Variants in SLC2A1 observed in about 807,000 individuals in gnomAD.
SLC2A1 encodes the protein solute carrier family 2, facilitated glucose transporter member 1.
Under a neutral mutation model 46.6 loss-of-function variants are expected in SLC2A1, and 4 were observed. The ratio of observed to expected loss-of-function variants is 0.09; its 90% CI spans 0.04 to 0.20. SLC2A1 has a LOEUF of 0.20. Among genes scored for constraint, SLC2A1 ranks in the 10% least tolerant of loss-of-function variants. The probability of loss-of-function intolerance (pLI) is 1.00; values close to 1 mark genes in which losing one functional copy is unlikely to be tolerated. For synonymous variants in SLC2A1, 253 were observed against 270.0 expected, an observed-to-expected ratio of 0.94 and a Z score of 0.62; for missense variants, 352 against 667.0, an observed-to-expected ratio of 0.53 and a Z score of 5.20.
rs1349205424 is a variant in SLC2A1, at chr1:42,929,218, C to G, written c.964G>C (p.Val322Leu). The G allele has an allele frequency of 6.2e-7, 1 of 1,613,900 alleles. No homozygotes were observed. Among genetic ancestry groups the G allele is most frequent in the Admixed American group, 1.7e-5 (1 of 60,022 alleles). ...GSGIVNTAFT[V>L]VSLFVVERAG... Reference sequence around the variant, plus strand: ...AGTAAGCAAAGACTCACCGACACGACAGTGAAGGCCGTGTTGACGATACCG... The same window carrying G: ...AGTAAGCAAAGACTCACCGACACGAGAGTGAAGGCCGTGTTGACGATACCG... The change falls in exon 7 of 10, where the codon GTC becomes CTC. Residue 322 changes from valine to leucine, a missense_variant. Physicochemically the swap from Val to Leu is conservative, Grantham distance 32 (BLOSUM62 1). Transcript: ENST00000426263. The surrounding 1 kb of genome is among the most constrained non-coding windows in gnomAD (Gnocchi z 6.0).
Position 42,930,815 on chromosome 1 carries a change from G to T in SLC2A1, c.327C>A (p.Leu109=). The change falls in exon 4 of 10, where the codon CTC becomes CTA. Residue 109 remains leucine (L), a synonymous_variant. Coordinates refer to ENST00000426263, the MANE Select transcript of SLC2A1 (RefSeq NM_006516.4). The surrounding 1 kb of genome is among the most constrained non-coding windows in gnomAD (Gnocchi z 6.2). ...ACTTGCCCAGTTTCGAGAAGCCCAT[G>T]AGCACGGCGGACACGAAGGCCAGCA... ...MNLLAFVSAV[L]MGFSKLGKSF... is the part of the protein sequence containing the mutation. 1 of 1,601,134 alleles carries T rather than the reference G, an allele frequency of 6.2e-7. No individual in the cohort carries two copies. Among genetic ancestry groups the T allele is most frequent in the East Asian group, 2.2e-5 (1 of 44,880 alleles).
At chr1:42,949,133 C>T (rs1325169520) in intron 1 of SLC2A1, among the ~76,000 whole-genome samples, 6 of 151,338 alleles carry the variant, frequency 4.0e-5, no homozygotes, top group African/African-American at 1.5e-4. Context: ...ATCCCAGCTA[C>T]TTGGGAGGCT....
rs1557644865 is a variant in SLC2A1, at chr1:42,927,369, A to G, written c.1279-128T>C. On this transcript the variant is annotated intron_variant, in intron 9 of 9. Transcript: ENST00000426263. This position sits in a 1 kb window ranked among gnomAD's most constrained non-coding sequence, Gnocchi z 5.3. The stretch of plus-strand genomic sequence containing the variant: ...GAACATCCACCTACCCAGGGATGCT[A>G]TCATAATTAACTGAGACCACGCTTG... The G allele has an allele frequency of 1.1e-6, 1 of 919,504 alleles. No individual in the cohort carries two copies. Among genetic ancestry groups the G allele is most frequent in the Admixed American group, 2.0e-5 (1 of 50,520 alleles). The allele number at this position is 919,504 out of a possible 1,614,324, so 57.0% of individuals were successfully genotyped here. A position where few individuals can be genotyped will look rare whatever the true frequency, so the allele number is the denominator to read the frequency against.
Position 42,930,054 on chromosome 1 carries a change from G to A in SLC2A1, c.517-19C>T, listed in dbSNP as rs765083485. The A allele has an allele frequency of 1.9e-5, 31 of 1,613,166 alleles. No homozygotes were observed. The highest frequency in any genetic ancestry group is 1.2e-4 in the South Asian group (11 of 91,050). On this transcript the variant is annotated intron_variant, in intron 4 of 9. Transcript: ENST00000426263. This position sits in a 1 kb window ranked among gnomAD's most constrained non-coding sequence, Gnocchi z 6.2. ...CGAACACCTGGGGGAAGCAGGGGCC[G>A]TGAGCGCCTCTGCCCTGACCCCCTT...
rs1204730460 is a variant in SLC2A1, at chr1:42,926,905, T to C, written c.*136A>G. 1.5e-5 allele frequency: 22 copies of C among 1,515,178 alleles called. No individual in the cohort carries two copies. Among genetic ancestry groups the C allele is most frequent in the East Asian group, 4.6e-5 (2 of 43,472 alleles). The allele number at this position is 1,515,178 out of a possible 1,614,324, so 93.9% of individuals were successfully genotyped here. On this transcript the variant is annotated 3_prime_UTR_variant, in exon 10 of 10. Transcript: ENST00000426263. Reference sequence around the variant, plus strand: ...GTCCTGAATATTCTTCTGGACATCATTGCTGGCTGGAGAAAGGAGCCCCAG... The same window carrying C: ...GTCCTGAATATTCTTCTGGACATCACTGCTGGCTGGAGAAAGGAGCCCCAG...
chr1:42,942,306 T>A (rs1268923980), intron 2 of SLC2A1, among the ~76,000 whole-genome samples: 1 of 152,202 alleles, frequency 6.6e-6, no homozygotes, highest in Non-Finnish European at 1.5e-5. Context: ...GGCCTCAGTT[T>A]CCGGGTCTAC....
intron 1 of SLC2A1, among the ~76,000 whole-genome samples, chr1:42,951,266 A>T (rs912664741): frequency 1.3e-5 from 2 of 152,192 alleles, no homozygotes; most frequent in African/African-American, 4.8e-5. Flanking sequence ...CCTGTAATGA[A>T]GTATTATGCA....
In SLC2A1 at chr1:42,927,865, G is replaced by A; in HGVS notation, c.1075-57C>T. 1 of 1,351,410 alleles carries A rather than the reference G, an allele frequency of 7.4e-7. No individual in the cohort carries two copies. The highest frequency in any genetic ancestry group is 1.0e-6 in the Non-Finnish European group (1 of 962,336). The allele number at this position is 1,351,410 out of a possible 1,614,324, so 83.7% of individuals were successfully genotyped here. A position where few individuals can be genotyped will look rare whatever the true frequency, so the allele number is the denominator to read the frequency against. ...AGACTGGGTTGTGATGGATCCTCAGGGGAAACAGAAGCTACAGAGGCCAGA... is the reference window on the plus strand; with the variant it reads ...AGACTGGGTTGTGATGGATCCTCAGAGGAAACAGAAGCTACAGAGGCCAGA... On this transcript the variant is annotated intron_variant, in intron 8 of 9. Transcript: ENST00000426263. This position sits in a 1 kb window ranked among gnomAD's most constrained non-coding sequence, Gnocchi z 5.3.
At chr1:42,957,890 C>G (rs1053009214) in intron 1 of SLC2A1, among the ~76,000 whole-genome samples, 1 of 152,168 alleles carries the variant, frequency 6.6e-6, no homozygotes, top group African/African-American at 2.4e-5. Flanking sequence ...CGCCTGGCCC[C>G]GAGGGTAAAC....
At chr1:42,932,109 AGCTCCCTTGTGTCT>A (rs1360145747) in intron 2 of SLC2A1, among the ~76,000 whole-genome samples, 3 of 152,158 alleles carry the variant, frequency 2.0e-5, no homozygotes, top group African/African-American at 7.2e-5. Context: ...CCCCAGGCCT[AGCTCCCTTGTGTCT>A]GGCCTGCGAG....
intron 1 of SLC2A1, among the ~76,000 whole-genome samples, chr1:42,949,673 T>TATCAGC (rs1553157308): frequency 1.3e-5 from 2 of 152,124 alleles, no homozygotes; most frequent in Admixed American, 1.3e-4. Flanking sequence ...CTGGTGCATT[T>TATCAGC]AGCAGCAGCA....
At chr1:42,958,301 G>C (rs940419648) in intron 1 of SLC2A1, among the ~76,000 whole-genome samples, 2 of 151,254 alleles carry the variant, frequency 1.3e-5, no homozygotes, top group African/African-American at 2.4e-5. Flanking sequence ...GAGGTCGTGT[G>C]CGACGTGCCG....
chr1:42,936,330 C>T lies in SLC2A1; in HGVS notation c.115-5124G>A, dbSNP rs567234681. Among the ~76,000 whole-genome samples the T allele has an allele frequency of 5.8e-4, 88 of 152,316 alleles. 1 individual carries two copies. Among genetic ancestry groups the T allele is most frequent in the African/African-American group, 2.0e-3 (83 of 41,570 alleles). On this transcript the variant is annotated intron_variant, in intron 2 of 9. Transcript: ENST00000426263. ...CTTAGCCTCTCAGCCTGGCCTTCACCCCTGTTCCTTGCCTGCCCCTGTCTT... is the reference window on the plus strand; with the variant it reads ...CTTAGCCTCTCAGCCTGGCCTTCACTCCTGTTCCTTGCCTGCCCCTGTCTT...
intron 2 of SLC2A1, among the ~76,000 whole-genome samples, chr1:42,942,168 A>G (rs1269726965): frequency 6.6e-6 from 1 of 152,200 alleles, no homozygotes; most frequent in Non-Finnish European, 1.5e-5. Flanking sequence ...GAAGGTACAG[A>G]TTTTTAAACG....
Position 42,939,773 on chromosome 1 carries a change from C to T in SLC2A1, c.114+3453G>A, listed in dbSNP as rs1223775538. 2.0e-5 allele frequency among the ~76,000 whole-genome samples: 3 copies of T among 152,048 alleles called. No individual in the cohort carries two copies. In the East Asian group the frequency reaches 5.8e-4, roughly 29 times the overall value. ...GACCAGCCTCACCAACCTGGTGAAA[C>T]CCCATCTCTACTAAAAACACAAAAA... On this transcript the variant is annotated intron_variant, in intron 2 of 9. Transcript: ENST00000426263.
At chr1:42,935,391 T>C (rs1340461796) in intron 2 of SLC2A1, among the ~76,000 whole-genome samples, 1 of 152,162 alleles carries the variant, frequency 6.6e-6, no homozygotes, top group Non-Finnish European at 1.5e-5. Context: ...TCGAGGCAAC[T>C]GTGGGTGAGA....
At chr1:42,949,832 AG>A (rs1429508632) in intron 1 of SLC2A1, among the ~76,000 whole-genome samples, 1 of 150,768 alleles carries the variant, frequency 6.6e-6, no homozygotes, top group Non-Finnish European at 1.5e-5. Flanking sequence ...TCTAGGCTTC[AG>A]GGAAGTTTCC....
At chr1:42,952,940 C>G (rs1462474359) in intron 1 of SLC2A1, among the ~76,000 whole-genome samples, 1 of 152,220 alleles carries the variant, frequency 6.6e-6, no homozygotes, top group Non-Finnish European at 1.5e-5. Flanking sequence ...ACATGCTCCC[C>G]TGGAGCCTCA....
intron 1 of SLC2A1, among the ~76,000 whole-genome samples, chr1:42,947,694 C>G (rs1643673885): frequency 2.0e-5 from 3 of 151,002 alleles, no homozygotes; most frequent in Admixed American, 6.6e-5. Flanking sequence ...TTCACTCCAG[C>G]CTCGGCAACA....
Sources: allele counts gnomAD v4.1 joint callset (sites outside exome capture counted in the v4.1 genomes callset), GRCh38; gene constraint gnomAD v4.1.1; non-coding constraint Gnocchi (gnomAD v3.1); transcripts MANE v1.5; gene names NCBI Gene and HGNC (gene_info 2026-07-23, HGNC 2026-07-21).